CENPF: variants seen among roughly 807,000 people sequenced by gnomAD.
CENPF encodes centromere protein F.
Under a neutral mutation model 307.3 loss-of-function variants are expected in CENPF, and 214 were observed. The ratio of observed to expected loss-of-function variants is 0.70; its 90% CI spans 0.62 to 0.78. The LOEUF is 0.78. CENPF is among the 30% of genes least tolerant of loss of function. The pLI is 0.00. For synonymous variants in CENPF, 1,259 were observed against 1,270.6 expected (o/e 0.99, Z 0.19); for missense variants, 3,401 against 3,483.9 (o/e 0.98, Z 0.60).
chr1:214,608,620 G>T, intron 1 of CENPF: 1 of 1,606,470 alleles, frequency 6.2e-7, no homozygotes, highest in Non-Finnish European at 8.5e-7. Flanking sequence ...CTGGAAGTCG[G>T]CGCGCTCCGT....
chr1:214,636,336 A>G (rs960322610), intron 10 of CENPF, among the ~76,000 whole-genome samples: 26 of 152,192 alleles, frequency 1.7e-4, no homozygotes, highest in African/African-American at 6.3e-4. Flanking sequence ...CGTGCTTTGC[A>G]AAGTTTAACA....
rs1284202238 is a variant in CENPF at position 214,656,355 on chromosome 1, G to T, written c.8486-578G>T. Among the ~76,000 whole-genome samples, 6 of 152,108 alleles carry T rather than the reference G, an allele frequency of 3.9e-5. No individual in the cohort carries two copies. In the East Asian group the frequency reaches 1.2e-3, roughly 29 times the overall value. Reference sequence around the variant, plus strand: ...CTCAGGGTAGATTGGGGCTTCAGGGGATTTTTCTAATGGATTTAATACACC... The same window carrying T: ...CTCAGGGTAGATTGGGGCTTCAGGGTATTTTTCTAATGGATTTAATACACC... On this transcript the variant is annotated intron_variant, in intron 17 of 19. Transcript: ENST00000366955.
At chr1:214,618,505 T>C in intron 3 of CENPF, 68 bp from the exon 4 acceptor site, 1 of 1,546,414 alleles carries the variant, frequency 6.5e-7, no homozygotes, top group Non-Finnish European at 8.8e-7. Flanking sequence ...TCTGGGAATG[T>C]AAGGCATTGA....
Position 214,657,090 on chromosome 1 carries a change from A to G in CENPF, c.8643A>G (p.Leu2881=). 1.2e-6 allele frequency: 2 copies of G among 1,614,196 alleles called. No individual in the cohort carries two copies. Among genetic ancestry groups the G allele is most frequent in the Non-Finnish European group, 1.7e-6 (2 of 1,180,010 alleles). ...HEKLEKAKEM[L]ETQVAHLCSQ... ...AGTTAGAGAAAGCTAAAGAGATGTT[A>G]GAGACACAAGTGGCCCATCTGTGTT... The change falls in exon 18 of 20, where the codon TTA becomes TTG. Residue 2881 remains leucine, a synonymous_variant. Transcript: ENST00000366955.
At position 214,641,348 on chromosome 1, in the gene CENPF, A is replaced by G. The variant is rs921899479; in HGVS notation, c.3010A>G (p.Ile1004Val). 20 of 1,611,126 alleles carry G rather than the reference A, an allele frequency of 1.2e-5. No homozygotes were observed. The highest frequency in any genetic ancestry group is 2.2e-5 in the South Asian group (2 of 90,022). Reference sequence around the variant, plus strand: ...GAAAAGTGAGAGTTTTGCAAACTATATAGATGAAAGGGAGAAAAGCATTTC... The same window carrying G: ...GAAAAGTGAGAGTTTTGCAAACTATGTAGATGAAAGGGAGAAAAGCATTTC... Reference protein sequence around the residue: ...IQKSESFANYIDEREKSISEL... With the variant: ...IQKSESFANYVDEREKSISEL... Residue 1004 changes from isoleucine (I) to valine (V), a missense_variant, in exon 12 of 20, where the codon ATA becomes GTA. Ile to Val is a conservative substitution (Grantham distance 29). Transcript: ENST00000366955.
At chr1:214,607,440 C>T (rs549451751) in intron 1 of CENPF, among the ~76,000 whole-genome samples, 2 of 152,186 alleles carry the variant, frequency 1.3e-5, no homozygotes, top group Non-Finnish European at 2.9e-5. Flanking sequence ...TTGGTGTCAG[C>T]GCCCCACACT....
In CENPF at chr1:214,652,745, T is replaced by G; in HGVS notation, c.8161-83T>G. 2.9e-5 allele frequency: 36 copies of G among 1,241,582 alleles called. No homozygotes were observed. In the African/African-American group the frequency reaches 3.5e-4, roughly 12 times the overall value. The allele number at this position is 1,241,582 out of a possible 1,614,324, so 76.9% of individuals were successfully genotyped here. A position where few individuals can be genotyped will look rare whatever the true frequency, so the allele number is the denominator to read the frequency against. On this transcript the variant is annotated intron_variant, in intron 15 of 19. Transcript: ENST00000366955. ...GGTGTGAAACACTGCGCCCAGCTGT[T>G]TTTTGTTTTTCTGACTATTTTTTTT...
chr1:214,608,220 C>T lies in CENPF; in HGVS notation c.-42+4899C>T. 5 of 1,317,698 alleles carry T rather than the reference C, an allele frequency of 3.8e-6. No individual in the cohort carries two copies. In the South Asian group the frequency reaches 5.3e-5, roughly 14 times the overall value. 81.6% of individuals were successfully genotyped at this position (1,317,698 alleles called of 1,614,324 possible). ...CTGTGGCTCCCCTCCTGCAGAGCCGCCCACCTTCCTCCCAGGGAAGCCCGC... is the reference window on the plus strand; with the variant it reads ...CTGTGGCTCCCCTCCTGCAGAGCCGTCCACCTTCCTCCCAGGGAAGCCCGC... On this transcript the variant is annotated intron_variant, in intron 1 of 19. Transcript: ENST00000366955.
Position 214,652,808 on chromosome 1 carries a change from TTTTG to T in CENPF, c.8161-12_8161-9del. 1.9e-6 allele frequency: 3 copies of T among 1,542,532 alleles called. No homozygotes were observed. The highest frequency in any genetic ancestry group is 2.6e-6 in the Non-Finnish European group (3 of 1,149,478). ...CTGGCTAAAGTAACATTTTGGTTTTTTTTGTTTGTTTTGCTCTAGTATGAAGTAG... is the reference window on the plus strand; with the variant it reads ...CTGGCTAAAGTAACATTTTGGTTTTTTTTGTTTTGCTCTAGTATGAAGTAG... On this transcript the variant is annotated splice_polypyrimidine_tract_variant and intron_variant, in intron 15 of 19. Coordinates refer to ENST00000366955, the MANE Select transcript of CENPF (RefSeq NM_016343.4).
intron 7 of CENPF, among the ~76,000 whole-genome samples, chr1:214,622,985 G>A (rs1657558699): frequency 6.6e-6 from 1 of 152,184 alleles, no homozygotes; most frequent in Admixed American, 6.5e-5. Flanking sequence ...GTTGAGACAC[G>A]CGGATCACTT....
intron 1 of CENPF, among the ~76,000 whole-genome samples, chr1:214,610,642 T>G (rs746206100): frequency 9.8e-5 from 15 of 152,322 alleles, no homozygotes; most frequent in Middle Eastern, 3.4e-3. Flanking sequence ...GGTTGTCTTT[T>G]TACTCTGTTG....
chr1:214,644,557 G>C lies in CENPF; in HGVS notation c.4987G>C (p.Ala1663Pro), dbSNP rs1357533535. 1.3e-6 allele frequency: 2 copies of C among 1,573,324 alleles called. No individual in the cohort carries two copies. The highest frequency in any genetic ancestry group is 1.7e-6 in the Non-Finnish European group (2 of 1,160,150). The change falls in exon 13 of 20, where the codon GCT becomes CCT. Residue 1663 changes from alanine (A) to proline (P), a missense_variant and splice_region_variant. Transcript: ENST00000366955. The stretch of plus-strand genomic sequence containing the variant: ...TGCTTGTTATGTATTATAATTACAG[G>C]CTATTCAAGGCCGAAATGAGAGCTG... ...RSLLGIDTED[A>P]IQGRNESCDI...
At position 214,646,924 on chromosome 1, in the gene CENPF, G is replaced by A. The variant is rs1477346813; in HGVS notation, c.7354G>A (p.Glu2452Lys). 3 of 1,613,958 alleles carry A rather than the reference G, an allele frequency of 1.9e-6. No individual in the cohort carries two copies. Among genetic ancestry groups the A allele is most frequent in the Admixed American group, 3.3e-5 (2 of 59,994 alleles). ...TCAAACACAATTAAAAGAGCTCAAT[G>A]AGAGAGTGGCAGCCCTGCATAATGA... is the stretch of plus-strand genomic sequence containing the variant. Reference protein sequence around the residue: ...MLQTQLKELNERVAALHNDQE... With the variant: ...MLQTQLKELNKRVAALHNDQE... Residue 2452 changes from glutamate to lysine, a missense_variant, in exon 13 of 20, where the codon GAG becomes AAG. Physicochemically the swap from Glu to Lys is moderately conservative, Grantham distance 56 (BLOSUM62 1). Coordinates refer to ENST00000366955, the MANE Select transcript of CENPF (RefSeq NM_016343.4).
At position 214,651,718 on chromosome 1, in the gene CENPF, G is replaced by T; in HGVS notation, c.7992G>T (p.Leu2664Phe). The part of the protein sequence containing the change: ...LEEIKSSKDQ[L>F]KELTLENSEL... ...ATTATTTTTCTGTTTAGGATCAATT[G>T]AAGGAGCTCACACTAGAAAATAGTG... is the stretch of plus-strand genomic sequence containing the variant. Residue 2664 changes from leucine to phenylalanine, a missense_variant, in exon 15 of 20, where the codon TTG becomes TTT. Transcript: ENST00000366955. 6.3e-7 allele frequency: 1 copy of T among 1,581,782 alleles called. No homozygotes were observed. The highest frequency in any genetic ancestry group is 2.2e-5 in the East Asian group (1 of 44,652).
Position 214,629,206 on chromosome 1 carries a change from A to G in CENPF, c.1194+35A>G, listed in dbSNP as rs930691762. On this transcript the variant is annotated intron_variant, in intron 8 of 19. Transcript: ENST00000366955. ...ATGGATTCATGAGGTGTTTGTCTGA[A>G]AGGCTTTTTATGGGCTTTTCATAGT... The G allele has an allele frequency of 2.0e-6, 3 of 1,529,404 alleles. No individual in the cohort carries two copies. The African/African-American group carries it at 4.2e-5, about 22-fold the overall frequency. 94.7% of individuals were successfully genotyped at this position (1,529,404 alleles called of 1,614,324 possible).
At chr1:214,636,933 T>C (rs879632805) in intron 10 of CENPF, among the ~76,000 whole-genome samples, 4 of 152,242 alleles carry the variant, frequency 2.6e-5, no homozygotes, top group Admixed American at 6.5e-5. Context: ...TAGGTTGAGA[T>C]ACTTGTTTGT....
intron 1 of CENPF, among the ~76,000 whole-genome samples, chr1:214,609,132 C>T (rs1484031738): frequency 6.6e-6 from 1 of 151,908 alleles, no homozygotes; most frequent in Non-Finnish European, 1.5e-5. Context: ...CGCCTGGCCG[C>T]CTGCCCGTGC....
intron 7 of CENPF, among the ~76,000 whole-genome samples, chr1:214,627,369 CT>C (rs10686407): frequency 2.4e-4 from 20 of 83,968 alleles, no homozygotes; most frequent in Admixed American, 8.1e-4. Flanking sequence ...CCCTCAGGCT[CT>C]TTTTTTTTTT....
chr1:214,650,252 A>G (rs1169465932), intron 14 of CENPF, among the ~76,000 whole-genome samples: 1 of 151,862 alleles, frequency 6.6e-6, no homozygotes, highest in African/African-American at 2.4e-5. Context: ...CTCTGGGACT[A>G]GAAAGATCTT....
Sources: allele counts gnomAD v4.1 joint callset (sites outside exome capture counted in the v4.1 genomes callset), GRCh38; gene constraint gnomAD v4.1.1; transcripts MANE v1.5; gene names NCBI Gene and HGNC (gene_info 2026-07-23, HGNC 2026-07-21).